SLIT2: variants seen among roughly 807,000 people sequenced by gnomAD.
SLIT2 encodes slit homolog 2 protein.
A neutral mutation model predicts 185.7 loss-of-function variants in SLIT2; 41 were observed. The ratio of observed to expected loss-of-function variants is 0.22; its 90% confidence interval spans 0.17 to 0.29. SLIT2 has a LOEUF of 0.29. Among genes scored for constraint, SLIT2 ranks in the 10% least tolerant of loss-of-function variants. SLIT2 has a pLI of 1.00. For missense variants in SLIT2, 1,571 were observed against 1,909.0 expected (o/e 0.82, Z 3.30); for synonymous variants, 693 against 680.2 (o/e 1.02, Z -0.29).
intron 29 of SLIT2, among the ~76,000 whole-genome samples, chr4:20,574,074 C>G (rs1041983886): frequency 6.6e-6 from 1 of 151,906 alleles, no homozygotes; most frequent in South Asian, 2.1e-4. Flanking sequence ...CCTGCCTCAG[C>G]CTCCCAAGTA....
At chr4:20,558,491 CATATA>C (rs1175637919) in intron 26 of SLIT2, among the ~76,000 whole-genome samples, 14 of 152,020 alleles carry the variant, frequency 9.2e-5, no homozygotes, top group African/African-American at 2.2e-4. Flanking sequence ...ACACATTTAA[CATATA>C]ATAGTATAGT....
intron 4 of SLIT2, among the ~76,000 whole-genome samples, chr4:20,277,776 T>TAC (rs999542677): frequency 1.0e-4 from 15 of 148,962 alleles, no homozygotes; most frequent in African/African-American, 3.7e-4. Context: ...TATATATATA[T>TAC]ACACACACAA....
At chr4:20,291,351 C>T (rs926922342) in intron 4 of SLIT2, among the ~76,000 whole-genome samples, 13 of 150,036 alleles carry the variant, frequency 8.7e-5, no homozygotes, top group Admixed American at 8.7e-4. Flanking sequence ...GCAGATTGCA[C>T]ACTACATACG....
chr4:20,415,673 T>A (rs765202581), intron 4 of SLIT2, among the ~76,000 whole-genome samples: 11 of 152,166 alleles, frequency 7.2e-5, no homozygotes, highest in Admixed American at 2.0e-4. Flanking sequence ...GTTGCTTTAC[T>A]ACAGCTTTAT....
chr4:20,471,145 A>G (rs1200720469), intron 5 of SLIT2, among the ~76,000 whole-genome samples: 1 of 152,196 alleles, frequency 6.6e-6, no homozygotes, highest in African/African-American at 2.4e-5. Flanking sequence ...GTATAGGTTT[A>G]TTTTATGAAT....
intron 9 of SLIT2, among the ~76,000 whole-genome samples, chr4:20,497,800 G>T (rs1343680176): frequency 6.6e-6 from 1 of 152,132 alleles, no homozygotes; most frequent in Non-Finnish European, 1.5e-5. Flanking sequence ...GGAAGACAGT[G>T]TTGGGAGCAG....
At chr4:20,468,482 G>T (rs917549102) in intron 5 of SLIT2, among the ~76,000 whole-genome samples, 1 of 151,852 alleles carries the variant, frequency 6.6e-6, no homozygotes, top group African/African-American at 2.4e-5. Context: ...AAATGAAAGT[G>T]CATTTCTGTA....
intron 4 of SLIT2, among the ~76,000 whole-genome samples, chr4:20,352,318 GAT>G (rs1303500445): frequency 3.3e-5 from 5 of 151,784 alleles, no homozygotes; most frequent in African/African-American, 1.2e-4. Context: ...TATTATAACA[GAT>G]ATAGTTTGTG....
At chr4:20,381,175 C>T (rs971344941) in intron 4 of SLIT2, among the ~76,000 whole-genome samples, 1 of 152,162 alleles carries the variant, frequency 6.6e-6, no homozygotes, top group East Asian at 1.9e-4. Context: ...ATCACTTGAA[C>T]CCGGGATTCG....
chr4:20,542,372 A>T (rs1722872984), intron 20 of SLIT2, 122 bp from the exon 21 acceptor site: 1 of 951,084 alleles, frequency 1.1e-6, no homozygotes, highest in African/African-American at 1.6e-5. Flanking sequence ...AATGTCCCGC[A>T]AATAAATGAT....
intron 4 of SLIT2, among the ~76,000 whole-genome samples, chr4:20,288,121 T>G (rs1715447726): frequency 6.6e-6 from 1 of 152,226 alleles, no homozygotes; most frequent in African/African-American, 2.4e-5. Flanking sequence ...TGGCTGTTAT[T>G]GTATGCCATC....
intron 36 of SLIT2, among the ~76,000 whole-genome samples, chr4:20,618,435 G>C (rs1045021907): frequency 6.6e-6 from 1 of 152,098 alleles, no homozygotes; most frequent in African/African-American, 2.4e-5. Context: ...TGCTCCCTGT[G>C]GTAAACAAAA....
At chr4:20,375,531 G>A (rs1420125508) in intron 4 of SLIT2, among the ~76,000 whole-genome samples, 2 of 152,046 alleles carry the variant, frequency 1.3e-5, no homozygotes, top group African/African-American at 4.8e-5. Flanking sequence ...TGAAGAGCAA[G>A]GGTTAGTAGA....
At chr4:20,533,426 G>T (rs1721980981) in intron 17 of SLIT2, 146 bp from the exon 18 acceptor site, 1 of 632,784 alleles carries the variant, frequency 1.6e-6, no homozygotes, top group Non-Finnish European at 2.8e-6. Flanking sequence ...ATGGTGTAAG[G>T]AAGTGGAATC....
intron 9 of SLIT2, among the ~76,000 whole-genome samples, chr4:20,494,480 T>C (rs1718048868): frequency 6.6e-6 from 1 of 152,100 alleles, no homozygotes; most frequent in Non-Finnish European, 1.5e-5. Context: ...GACACATTTA[T>C]AAGTACAAAA....
intron 17 of SLIT2, among the ~76,000 whole-genome samples, chr4:20,532,764 A>G (rs1367792525): frequency 6.6e-6 from 1 of 152,224 alleles, no homozygotes; most frequent in African/African-American, 2.4e-5. Context: ...TGGCATCCAT[A>G]TTAGCCTACC....
chr4:20,454,270 C>T (rs997412049), intron 4 of SLIT2, among the ~76,000 whole-genome samples: 1 of 152,078 alleles, frequency 6.6e-6, no homozygotes, highest in Admixed American at 6.6e-5. Context: ...ACAAATATCT[C>T]TCTTTTATGT....
chr4:20,469,342 T>A (rs1714705374), intron 5 of SLIT2, among the ~76,000 whole-genome samples: 1 of 152,168 alleles, frequency 6.6e-6, no homozygotes, highest in Non-Finnish European at 1.5e-5. Context: ...CTTTTAATCT[T>A]CTTAGTTAAG....
chr4:20,413,271 GAATTTCCCA>G (rs988025231), intron 4 of SLIT2, among the ~76,000 whole-genome samples: 1 of 151,712 alleles, frequency 6.6e-6, no homozygotes, highest in African/African-American at 2.4e-5. Flanking sequence ...ACATATTTGT[GAATTTCCCA>G]AATTTTCCTT....
Sources: gnomAD v4.1 joint callset for allele counts (sites outside exome capture counted in the v4.1 genomes callset) on GRCh38, gnomAD v4.1.1 for gene constraint, MANE v1.5 for transcripts, NCBI Gene and HGNC (gene_info 2026-07-23, HGNC 2026-07-21) for gene names.